The following SLC22A2 variants were observed in gnomAD, a reference collection of about 807,000 sequenced individuals.
SLC22A2 encodes the protein organic cation transporter 2.
Under a neutral mutation model 60.5 loss-of-function variants are expected in SLC22A2, and 46 were observed. The observed-to-expected ratio is 0.76, with a 90% CI of 0.60 to 0.97. SLC22A2 has a LOEUF of 0.97. Among genes scored for constraint, SLC22A2 ranks in the 50% least tolerant of loss-of-function variants. The pLI, the probability that SLC22A2 is intolerant of heterozygous loss-of-function variation, is 0.00. For missense variants in SLC22A2, 701 were observed against 706.6 expected (o/e 0.99, Z 0.09); for synonymous variants, 303 against 267.0 (o/e 1.13, Z -1.31).
At chr6:160,224,288 GT>G (rs1782688232) in intron 10 of SLC22A2, among the ~76,000 whole-genome samples, 1 of 84,342 alleles carries the variant, frequency 1.2e-5, no homozygotes, top group South Asian at 5.3e-4. Context: ...GCTCAAATCT[GT>G]TATTTTTTTT....
rs199508535 is a variant in SLC22A2, at chr6:160,256,899, TCTC to T, written c.415-185_415-183del. Among the ~76,000 whole-genome samples, 1,059 of 143,430 alleles carry T rather than the reference TCTC, an allele frequency of 7.4e-3. 22 individuals are homozygous for T. The highest frequency in any genetic ancestry group is 0.022 in the Middle Eastern group (6 of 276). The allele number at this position is 143,430 out of a possible 152,430, so 94.1% of individuals were successfully genotyped here. A position where few individuals can be genotyped will look rare whatever the true frequency, so the allele number is the denominator to read the frequency against. On this transcript the variant is annotated intron_variant, in intron 1 of 10. Transcript: ENST00000366953. The stretch of plus-strand genomic sequence containing the variant: ...CAATTTTCTTCTTCTTCTCTCTCTC[TCTC>T]TTTTTTTTTTTTTTTTGTGAGACAG...
At chr6:160,217,966 G>T (rs1191442313) in intron 10 of SLC22A2, 2 of 159,724 alleles carry the variant, frequency 1.3e-5, no homozygotes, top group East Asian at 3.7e-4. Flanking sequence ...CAATCATCTT[G>T]TCTTCGTGAA....
rs148553062 is a variant in SLC22A2 at position 160,226,523 on chromosome 6, G to A, written c.1502-1719C>T. On this transcript the variant is annotated intron_variant, in intron 9 of 10. Transcript: ENST00000366953. ...CAAACCATGTTCAAATAAGGCAAAC[G>A]CTAAGCTGTAACCAATCCCATTATT... is the stretch of plus-strand genomic sequence containing the variant. Among the ~76,000 whole-genome samples the A allele has an allele frequency of 3.6e-3, 543 of 152,220 alleles. 2 individuals carry two copies. Among genetic ancestry groups the A allele is most frequent in the Non-Finnish European group, 4.3e-3 (294 of 68,022 alleles).
At position 160,249,219 on chromosome 6, in the gene SLC22A2, T is replaced by C; in HGVS notation, c.839A>G (p.Tyr280Cys). 1 of 1,592,970 alleles carries C rather than the reference T, an allele frequency of 6.3e-7. No individual in the cohort carries two copies. The highest frequency in any genetic ancestry group is 8.5e-7 in the Non-Finnish European group (1 of 1,169,736). ...SLPNFFFLLY[Y>C]WCIPESPRWL... ...TTTTTATTCCAAATGGACTTACCAG[T>C]AATAGAGCAAGAAGAAGAAGTTGGG... The change falls in exon 4 of 11, where the codon TAC becomes TGC. Residue 280 changes from tyrosine (Y) to cysteine (C), a missense_variant. By Grantham distance (194) the Tyr-to-Cys change is radical. Coordinates refer to ENST00000366953, the MANE Select transcript of SLC22A2 (RefSeq NM_003058.4).
At position 160,258,379 on chromosome 6, in the gene SLC22A2, C is replaced by T; in HGVS notation, c.379G>A (p.Val127Met). ...LPLGPCRDGW[V>M]YETPGSSIVT... is the part of the protein sequence containing the mutation. ...ATGGACGAGCCAGGCGTCTCGTACA[C>T]CCAGCCGTCCCGGCAGGGGCCCAGT... The change falls in exon 1 of 11, where the codon GTG becomes ATG. Residue 127 changes from valine to methionine, a missense_variant. Physicochemically the swap from Val to Met is conservative, Grantham distance 21. Coordinates refer to ENST00000366953, the MANE Select transcript of SLC22A2 (RefSeq NM_003058.4). 6.2e-7 allele frequency: 1 copy of T among 1,613,336 alleles called. No homozygotes were observed. The highest frequency in any genetic ancestry group is 8.5e-7 in the Non-Finnish European group (1 of 1,179,710).
chr6:160,222,474 A>G (rs1418257969), intron 10 of SLC22A2, among the ~76,000 whole-genome samples: 1 of 152,236 alleles, frequency 6.6e-6, no homozygotes, highest in Non-Finnish European at 1.5e-5. Context: ...TCAATTAGGC[A>G]TGCTGTAGAA....
At chr6:160,247,042 G>A (rs964087585) in intron 5 of SLC22A2, 142 bp downstream of exon 5, 1 of 581,560 alleles carries the variant, frequency 1.7e-6, no homozygotes, top group African/African-American at 1.9e-5. Flanking sequence ...AAAATTCTCT[G>A]TTGCATTCCG....
rs184091076 is a variant in SLC22A2 at position 160,233,783 on chromosome 6, G to A, written c.1501+7691C>T. On this transcript the variant is annotated intron_variant, in intron 9 of 10. Transcript: ENST00000366953. ...AATCTCTCCCACTCTAGGTTCCCACGCTGCCCCTAATTCCACTCGAACCAG... is the reference window on the plus strand; with the variant it reads ...AATCTCTCCCACTCTAGGTTCCCACACTGCCCCTAATTCCACTCGAACCAG... Among the ~76,000 whole-genome samples, 780 of 151,674 alleles carry A rather than the reference G, an allele frequency of 5.1e-3. 9 individuals are homozygous for A. Among genetic ancestry groups the A allele is most frequent in the Non-Finnish European group, 9.2e-3 (625 of 67,962 alleles).
At chr6:160,245,215 T>C (rs1421298780) in intron 6 of SLC22A2, 11 of 311,920 alleles carry the variant, frequency 3.5e-5, no homozygotes, top group Non-Finnish European at 5.8e-5. Flanking sequence ...GATTCCAATG[T>C]GAAGCCGAGG....
At chr6:160,236,651 AC>A (rs35402608) in intron 9 of SLC22A2, among the ~76,000 whole-genome samples, 106,123 of 152,000 alleles carry the variant, frequency 0.7, 38,898 homozygotes, top group Admixed American at 0.82. Context: ...AAGAAATCAA[AC>A]TTAACTGGTA....
In SLC22A2 at chr6:160,221,124, T is replaced by C. The variant is rs117934399; in HGVS notation, c.1601+3581A>G. ...CTGTTGTGTCTATATTGAAAATCTG[T>C]TGTTTAGTGTGATCACCTTTATCAG... On this transcript the variant is annotated intron_variant, in intron 10 of 10. Transcript: ENST00000366953. 7.2e-5 allele frequency among the ~76,000 whole-genome samples: 11 copies of C among 152,356 alleles called. 1 individual carries two copies. In the East Asian group the frequency reaches 2.1e-3, roughly 29 times the overall value.
intron 2 of SLC22A2, among the ~76,000 whole-genome samples, chr6:160,255,816 C>A (rs1047640777): frequency 6.6e-6 from 1 of 152,092 alleles, no homozygotes; most frequent in Non-Finnish European, 1.5e-5. Flanking sequence ...ATTTTTGGTT[C>A]CTTTTCCTTT....
At chr6:160,227,826 C>G (rs1296076194) in intron 9 of SLC22A2, among the ~76,000 whole-genome samples, 3 of 152,192 alleles carry the variant, frequency 2.0e-5, no homozygotes, top group Non-Finnish European at 4.4e-5. Flanking sequence ...GCTGGTCAAA[C>G]AGGCTGCAGT....
intron 9 of SLC22A2, among the ~76,000 whole-genome samples, chr6:160,225,292 C>A (rs535961656): frequency 2.6e-5 from 4 of 152,216 alleles, no homozygotes; most frequent in African/African-American, 9.6e-5. Context: ...ATTAAATTCC[C>A]GTTATTCCTT....
chr6:160,253,600 G>A (rs3127579), intron 2 of SLC22A2, among the ~76,000 whole-genome samples: 16,959 of 152,162 alleles, frequency 0.11, 1,017 homozygotes, highest in Non-Finnish European at 0.13. Context: ...TAGGGTGCTG[G>A]CTCTTAAGAG....
chr6:160,235,112 G>T (rs928760150), intron 9 of SLC22A2, among the ~76,000 whole-genome samples: 1 of 152,158 alleles, frequency 6.6e-6, no homozygotes, highest in Non-Finnish European at 1.5e-5. Context: ...CCTCCTTTTG[G>T]TAAAACCTCT....
chr6:160,254,246 C>G (rs146477143), intron 2 of SLC22A2, among the ~76,000 whole-genome samples: 69 of 152,152 alleles, frequency 4.5e-4, no homozygotes, highest in African/African-American at 1.3e-3. Flanking sequence ...CCACTGCACT[C>G]TAGCCTGGGC....
chr6:160,242,149 T>C, intron 8 of SLC22A2, 145 bp downstream of exon 8: 1 of 650,758 alleles, frequency 1.5e-6, no homozygotes, highest in Non-Finnish European at 2.8e-6. Flanking sequence ...GGTGAACTGC[T>C]GGGCCTGGCT....
chr6:160,238,467 G>C (rs115317401), intron 9 of SLC22A2, among the ~76,000 whole-genome samples: 2 of 152,132 alleles, frequency 1.3e-5, no homozygotes, highest in Non-Finnish European at 2.9e-5. Flanking sequence ...ATTACCATTC[G>C]TTTGGCATTT....
Sources: gnomAD v4.1 joint callset for allele counts (sites outside exome capture counted in the v4.1 genomes callset) on GRCh38, gnomAD v4.1.1 for gene constraint, MANE v1.5 for transcripts, NCBI Gene and HGNC (gene_info 2026-07-23, HGNC 2026-07-21) for gene names.